Variants in SCAPER observed in about 807,000 individuals in gnomAD.
SCAPER encodes S-phase cyclin A associated protein in the ER.
Under a neutral mutation model 182.2 loss-of-function variants are expected in SCAPER, and 98 were observed. The ratio of observed to expected loss-of-function variants is 0.54; its 90% CI spans 0.46 to 0.64. SCAPER has a LOEUF of 0.64. Ranked by LOEUF, SCAPER falls within the 30% of genes least tolerant of loss-of-function variation. SCAPER has a pLI of 0.00. For missense variants in SCAPER, 1,432 were observed against 1,690.0 expected, an observed-to-expected ratio of 0.85 and a Z score of 2.68; for synonymous variants, 605 against 564.6, an observed-to-expected ratio of 1.07 and a Z score of -1.01.
intron 26 of SCAPER, among the ~76,000 whole-genome samples, chr15:76,408,618 A>T (rs2045039980): frequency 6.6e-6 from 1 of 151,944 alleles, no homozygotes; most frequent in African/African-American, 2.4e-5. Flanking sequence ...CGAGCAAGGT[A>T]CGAGAAAACC....
intron 22 of SCAPER, among the ~76,000 whole-genome samples, chr15:76,611,228 G>A (rs1180041507): frequency 2.0e-5 from 3 of 151,088 alleles, no homozygotes; most frequent in Non-Finnish European, 3.0e-5. Context: ...AAATGAAATC[G>A]AACACCAGTC....
chr15:76,611,432 G>T (rs1364942941), intron 22 of SCAPER, among the ~76,000 whole-genome samples: 1 of 152,060 alleles, frequency 6.6e-6, no homozygotes, highest in Non-Finnish European at 1.5e-5. Context: ...AATTGAGGCA[G>T]TAACAGCCTA....
rs1277402335 is a variant in SCAPER, at chr15:76,348,396, GA to G, written c.*236del. ...GCAAAGTATATATTATCATAAGATG[GA>G]AATTACCAAACTCCAAGATACTCTG... On this transcript the variant is annotated 3_prime_UTR_variant, in exon 32 of 32. Transcript: ENST00000563290. The G allele has an allele frequency of 3.3e-6, 1 of 306,954 alleles. No individual in the cohort carries two copies. The highest frequency in any genetic ancestry group is 2.2e-5 in the African/African-American group (1 of 46,432). 19.0% of individuals were successfully genotyped at this position (306,954 alleles called of 1,614,324 possible).
At chr15:76,460,162 G>A (rs1398376998) in intron 25 of SCAPER, among the ~76,000 whole-genome samples, 1 of 151,926 alleles carries the variant, frequency 6.6e-6, no homozygotes, top group Non-Finnish European at 1.5e-5. Flanking sequence ...GTTTCTTTAG[G>A]TAGTATAGTC....
At chr15:76,579,342 AAAC>A (rs1488787057) in intron 22 of SCAPER, among the ~76,000 whole-genome samples, 1 of 151,746 alleles carries the variant, frequency 6.6e-6, no homozygotes, top group Non-Finnish European at 1.5e-5. Flanking sequence ...ATATGAATAG[AAAC>A]AACAAAAAGT....
intron 5 of SCAPER, among the ~76,000 whole-genome samples, chr15:76,824,167 T>C (rs1184028391): frequency 1.3e-5 from 2 of 152,200 alleles, no homozygotes; most frequent in East Asian, 3.8e-4. Flanking sequence ...CTCAAAGCTA[T>C]GAAGGCCATT....
intron 23 of SCAPER, among the ~76,000 whole-genome samples, chr15:76,516,948 T>A (rs1320812395): frequency 6.6e-6 from 1 of 152,154 alleles, no homozygotes; most frequent in Non-Finnish European, 1.5e-5. Context: ...ACAACAATCC[T>A]ATGAGGTAGG....
intron 3 of SCAPER, among the ~76,000 whole-genome samples, chr15:76,859,922 C>T (rs2071736343): frequency 6.6e-6 from 1 of 151,982 alleles, no homozygotes. Context: ...CACCATGTTG[C>T]CCAGGCTGGT....
intron 24 of SCAPER, among the ~76,000 whole-genome samples, chr15:76,477,136 A>T (rs2050718486): frequency 6.6e-6 from 1 of 152,242 alleles, no homozygotes; most frequent in South Asian, 2.1e-4. Context: ...ACTGGGCACC[A>T]TATGAGACAG....
chr15:76,437,177 A>G (rs74024114), intron 25 of SCAPER, among the ~76,000 whole-genome samples: 2,398 of 152,216 alleles, frequency 0.016, 48 homozygotes, highest in African/African-American at 0.048. Flanking sequence ...CACCCAGGGC[A>G]CCTAAACTGC....
Position 76,793,116 on chromosome 15 carries a change from A to C in SCAPER, c.772+2164T>G, listed in dbSNP as rs565556026. The C allele has an allele frequency of 1.2e-4, 71 of 614,318 alleles. No individual in the cohort carries two copies. The East Asian group carries it at 1.7e-3, about 14-fold the overall frequency. The allele number at this position is 614,318 out of a possible 1,614,324, so 38.1% of individuals were successfully genotyped here. On this transcript the variant is annotated intron_variant, in intron 8 of 31. Coordinates refer to ENST00000563290, the MANE Select transcript of SCAPER (RefSeq NM_020843.4). ...CATTTTAGCTGGGTTTGGGGAAGAG[A>C]ACATTAAATGCATGTGGTCACTCTA...
intron 24 of SCAPER, among the ~76,000 whole-genome samples, chr15:76,493,776 G>C (rs2052554384): frequency 6.6e-6 from 1 of 152,088 alleles, no homozygotes; most frequent in South Asian, 2.1e-4. Flanking sequence ...GATTAAAGTT[G>C]ACACAACTAA....
At chr15:76,468,519 G>C (rs567865555) in intron 25 of SCAPER, among the ~76,000 whole-genome samples, 3 of 152,102 alleles carry the variant, frequency 2.0e-5, no homozygotes, top group Admixed American at 6.6e-5. Context: ...AGGGAACTAG[G>C]CTTTCAAAGA....
chr15:76,494,345 T>C (rs1357949968), intron 24 of SCAPER, among the ~76,000 whole-genome samples: 2 of 152,202 alleles, frequency 1.3e-5, no homozygotes, highest in Non-Finnish European at 2.9e-5. Context: ...GGTTTTTGGT[T>C]CACCTTTCTC....
At chr15:76,873,801 G>C (rs1040994398) in intron 2 of SCAPER, among the ~76,000 whole-genome samples, 2 of 152,040 alleles carry the variant, frequency 1.3e-5, no homozygotes, top group African/African-American at 4.8e-5. Context: ...TCATAACTCA[G>C]GTCTCACTAA....
chr15:76,351,115 C>A, intron 31 of SCAPER, 122 bp downstream of exon 31: 1 of 768,562 alleles, frequency 1.3e-6, no homozygotes, highest in Non-Finnish European at 2.0e-6. Flanking sequence ...GTATCTGAAT[C>A]TCAAATATTT....
intron 22 of SCAPER, among the ~76,000 whole-genome samples, chr15:76,584,378 T>C (rs1200770373): frequency 6.6e-6 from 1 of 152,208 alleles, no homozygotes; most frequent in Non-Finnish European, 1.5e-5. Context: ...CAGTCAACAA[T>C]TTATTGTACA....
chr15:76,609,593 T>C (rs977286676), intron 22 of SCAPER, among the ~76,000 whole-genome samples: 3 of 152,238 alleles, frequency 2.0e-5, no homozygotes, highest in Admixed American at 2.0e-4. Context: ...TTCATAGTTA[T>C]TTAAATTTCT....
chr15:76,829,661 C>T (rs2151704432), intron 5 of SCAPER, among the ~76,000 whole-genome samples: 1 of 152,246 alleles, frequency 6.6e-6, no homozygotes, highest in Non-Finnish European at 1.5e-5. Flanking sequence ...TACCCACCAT[C>T]TTTGTACCTT....
Sources: allele counts gnomAD v4.1 joint callset (sites outside exome capture counted in the v4.1 genomes callset), GRCh38; gene constraint gnomAD v4.1.1; transcripts MANE v1.5; gene names NCBI Gene and HGNC (gene_info 2026-07-23, HGNC 2026-07-21).